RIMBP2: variants seen among roughly 807,000 people sequenced by gnomAD.
RIMBP2 encodes RIMS binding protein 2.
In RIMBP2, 48 loss-of-function variants were observed where a neutral mutation model predicts 118.6. The observed-to-expected ratio is 0.40, with a 90% CI of 0.32 to 0.51. The LOEUF (loss-of-function observed/expected upper bound fraction) is 0.51. Among genes scored for constraint, RIMBP2 ranks in the 20% least tolerant of loss-of-function variants. The probability of loss-of-function intolerance (pLI) is 0.41; values close to 1 mark genes in which losing one functional copy is unlikely to be tolerated. For synonymous variants in RIMBP2, 762 were observed against 742.9 expected (o/e 1.03, Z -0.42); for missense variants, 1,551 against 1,768.3 (o/e 0.88, Z 2.20).
intron 21 of RIMBP2, among the ~76,000 whole-genome samples, chr12:130,402,777 C>A (rs566149330): frequency 6.6e-6 from 1 of 152,218 alleles, no homozygotes; most frequent in African/African-American, 2.4e-5. Flanking sequence ...GACATCCACT[C>A]GTGTTTGCAC....
chr12:130,645,962 A>G (rs900036314), intron 1 of RIMBP2, among the ~76,000 whole-genome samples: 2 of 152,122 alleles, frequency 1.3e-5, no homozygotes, highest in South Asian at 2.1e-4. Flanking sequence ...CTATGCTTTT[A>G]AAGAAGGAAA....
Position 130,434,495 on chromosome 12 carries a change from C to CG in RIMBP2, c.2253+238dup. Reference sequence around the variant, plus strand: ...ATGACCGAATACCAGGATGGTGCAGCGGGGGAGGGTGGAAGCCCTGCACTT... The same window carrying CG: ...ATGACCGAATACCAGGATGGTGCAGCGGGGGGAGGGTGGAAGCCCTGCACTT... On this transcript the variant is annotated intron_variant, in intron 14 of 22. Transcript: ENST00000690449. This position sits in a 1 kb window ranked among gnomAD's most constrained non-coding sequence, Gnocchi z 5.7. 6.6e-6 allele frequency among the ~76,000 whole-genome samples: 1 copy of CG among 152,262 alleles called. No homozygotes were observed. Among genetic ancestry groups the CG allele is most frequent in the East Asian group, 1.9e-4 (1 of 5,182 alleles).
Position 130,442,131 on chromosome 12 carries a change from C to G in RIMBP2, c.1221G>C (p.Val407=). 6.2e-7 allele frequency: 1 copy of G among 1,614,178 alleles called. No homozygotes were observed. Among genetic ancestry groups the G allele is most frequent in the Non-Finnish European group, 8.5e-7 (1 of 1,180,022 alleles). The change falls in exon 11 of 23, where the codon GTG becomes GTC. Residue 407 remains valine, a synonymous_variant. Transcript: ENST00000690449. The surrounding 1 kb of genome is among the most constrained non-coding windows in gnomAD (Gnocchi z 6.9). ...CCCGCAGGTGGGAGGGGGCCACCAC[C>G]ACGTCCTTGCCCACCAGCAGCGTGC... ...LQCTLLVGKD[V]VVAPSHLRVD...
At chr12:130,544,695 G>A (rs2092648586) in intron 2 of RIMBP2, among the ~76,000 whole-genome samples, 2 of 148,224 alleles carry the variant, frequency 1.3e-5, no homozygotes, top group Admixed American at 6.9e-5. Flanking sequence ...TGTCTCCCAG[G>A]TTGAAGTGAT....
intron 2 of RIMBP2, among the ~76,000 whole-genome samples, chr12:130,616,989 G>C (rs914451579): frequency 1.3e-5 from 2 of 152,102 alleles, no homozygotes; most frequent in African/African-American, 4.8e-5. Context: ...CTGAAGTTGG[G>C]GTGCAGGGGC....
chr12:130,456,832 T>A lies in RIMBP2; in HGVS notation c.154-132A>T, dbSNP rs903822920. ...CGTGTGTACACACGTGTTGTGTCTG[T>A]GAAAATGCATGTGTGGTTGAGTGTG... On this transcript the variant is annotated intron_variant, in intron 6 of 22. Coordinates refer to ENST00000690449, the MANE Select transcript of RIMBP2 (RefSeq NM_001393629.1). 6.2e-6 allele frequency: 4 copies of A among 642,400 alleles called. No homozygotes were observed. The African/African-American group carries it at 7.3e-5, about 12-fold the overall frequency. The allele number at this position is 642,400 out of a possible 1,614,324, so 39.8% of individuals were successfully genotyped here. A position where few individuals can be genotyped will look rare whatever the true frequency, so the allele number is the denominator to read the frequency against.
intron 3 of RIMBP2, among the ~76,000 whole-genome samples, chr12:130,509,930 A>G (rs2050746038): frequency 1.3e-5 from 2 of 152,194 alleles, no homozygotes; most frequent in African/African-American, 4.8e-5. Flanking sequence ...TTGGGGAGGA[A>G]TCGATTCAGA....
At position 130,434,566 on chromosome 12, in the gene RIMBP2, A is replaced by G. The variant is rs2077369069; in HGVS notation, c.2253+168T>C. ...AATGAGGGTATGTGACAGGCATTAAATATAAACTTCAGAAACCTAGCACGA... is the reference window on the plus strand; with the variant it reads ...AATGAGGGTATGTGACAGGCATTAAGTATAAACTTCAGAAACCTAGCACGA... On this transcript the variant is annotated intron_variant, in intron 14 of 22. Transcript: ENST00000690449. This position sits in a 1 kb window ranked among gnomAD's most constrained non-coding sequence, Gnocchi z 5.7. Among the ~76,000 whole-genome samples the G allele has an allele frequency of 6.6e-6, 1 of 152,176 alleles. No homozygotes were observed. The highest frequency in any genetic ancestry group is 2.1e-4 in the South Asian group (1 of 4,804).
chr12:130,492,445 A>G (rs535237295), intron 4 of RIMBP2, among the ~76,000 whole-genome samples: 18 of 151,764 alleles, frequency 1.2e-4, no homozygotes, highest in Non-Finnish European at 2.5e-4. Flanking sequence ...GGGAAAAAAA[A>G]AGAGAGAGAG....
At chr12:130,449,706 C>T (rs1252033569) in intron 9 of RIMBP2, among the ~76,000 whole-genome samples, 3 of 152,080 alleles carry the variant, frequency 2.0e-5, no homozygotes, top group Non-Finnish European at 2.9e-5. Context: ...AGTCATACTG[C>T]AGCGGGGCAG....
intron 4 of RIMBP2, among the ~76,000 whole-genome samples, chr12:130,484,949 T>C (rs1233295857): frequency 1.3e-5 from 2 of 152,266 alleles, no homozygotes; most frequent in African/African-American, 4.8e-5. Flanking sequence ...ATTAGTGAAA[T>C]AACTAATGTT....
chr12:130,563,499 C>T (rs1351576466), intron 2 of RIMBP2, among the ~76,000 whole-genome samples: 1 of 152,202 alleles, frequency 6.6e-6, no homozygotes, highest in Non-Finnish European at 1.5e-5. Context: ...AAAGGAATGG[C>T]CCAGTCAGAC....
chr12:130,461,468 G>A (rs2079987442), intron 6 of RIMBP2, among the ~76,000 whole-genome samples: 1 of 152,162 alleles, frequency 6.6e-6, no homozygotes, highest in South Asian at 2.1e-4. Flanking sequence ...TAAAGCTTCT[G>A]GTTTCCCAGG....
rs116642761 is a variant in RIMBP2, at chr12:130,695,521, C to T, written c.-352+20701G>A. Among the ~76,000 whole-genome samples the T allele has an allele frequency of 5.8e-3, 888 of 152,270 alleles. 7 individuals are homozygous for T. The highest frequency in any genetic ancestry group is 0.02 in the African/African-American group (838 of 41,548). On this transcript the variant is annotated intron_variant, in intron 1 of 22. Transcript: ENST00000690449. Reference sequence around the variant, plus strand: ...CTCTTGGAGGCCAAAGTGGGAGGTTCGCTCGAGTCCAGGAGTTGAAGACCA... The same window carrying T: ...CTCTTGGAGGCCAAAGTGGGAGGTTTGCTCGAGTCCAGGAGTTGAAGACCA...
chr12:130,405,012 ATAGT>A (rs1386862651), intron 21 of RIMBP2, among the ~76,000 whole-genome samples: 2 of 152,212 alleles, frequency 1.3e-5, no homozygotes, highest in African/African-American at 4.8e-5. Flanking sequence ...ATTTGTTCTC[ATAGT>A]TAGGAAAAAA....
intron 2 of RIMBP2, among the ~76,000 whole-genome samples, chr12:130,604,646 C>G (rs1594001189): frequency 3.8e-5 from 2 of 53,228 alleles, no homozygotes; most frequent in Admixed American, 2.6e-4. Flanking sequence ...TGCAGTGGCA[C>G]GATCTCGGCT....
chr12:130,509,113 C>T (rs145142470), intron 3 of RIMBP2, among the ~76,000 whole-genome samples: 338 of 152,346 alleles, frequency 2.2e-3, no homozygotes, highest in African/African-American at 7.6e-3. Flanking sequence ...AGGCTGCTGG[C>T]GAGCCTGGCC....
At position 130,424,553 on chromosome 12, in the gene RIMBP2, G is replaced by C; in HGVS notation, c.2718C>G (p.Gly906=). The part of the protein sequence containing the change: ...HVEDFLLEDR[G]CRFSRSATRS... ...GGGTGGCCGAGCGGCTGAACCGACA[G>C]CCCCTGTCTTCCAGAAGGAAGTCCT... Residue 906 remains glycine (G), a synonymous_variant, in exon 16 of 23, where the codon GGC becomes GGG. Coordinates refer to ENST00000690449, the MANE Select transcript of RIMBP2 (RefSeq NM_001393629.1). The surrounding 1 kb of genome is among the most constrained non-coding windows in gnomAD (Gnocchi z 9.8). The C allele has an allele frequency of 8.1e-7, 1 of 1,231,986 alleles. No homozygotes were observed. Among genetic ancestry groups the C allele is most frequent in the Non-Finnish European group, 1.0e-6 (1 of 987,842 alleles). The allele number at this position is 1,231,986 out of a possible 1,614,324, so 76.3% of individuals were successfully genotyped here.
At chr12:130,600,616 C>T (rs906528036) in intron 2 of RIMBP2, among the ~76,000 whole-genome samples, 7 of 152,214 alleles carry the variant, frequency 4.6e-5, no homozygotes, top group Non-Finnish European at 1.0e-4. Flanking sequence ...GGAACCTCCC[C>T]TCTGGCTGGA....
Sources: allele counts gnomAD v4.1 joint callset (sites outside exome capture counted in the v4.1 genomes callset), GRCh38; gene constraint gnomAD v4.1.1; non-coding constraint Gnocchi (gnomAD v3.1); transcripts MANE v1.5; gene names NCBI Gene and HGNC (gene_info 2026-07-23, HGNC 2026-07-21).